Variants in GRM7 observed in about 807,000 individuals in gnomAD.
GRM7 encodes metabotropic glutamate receptor 7.
GRM7 carries 35 observed loss-of-function variants against 84.5 expected under a neutral mutation model. That is an observed-to-expected ratio of 0.41 (90% confidence interval 0.32 to 0.55). The LOEUF is 0.55. GRM7 is among the 20% of genes least tolerant of loss of function. The pLI, the probability that GRM7 is intolerant of heterozygous loss-of-function variation, is 0.19. For synonymous variants in GRM7, 487 were observed against 455.1 expected, an observed-to-expected ratio of 1.07 and a Z score of -0.89; for missense variants, 1,003 against 1,194.6, an observed-to-expected ratio of 0.84 and a Z score of 2.36.
At chr3:6,877,775 T>A (rs1416412904) in intron 1 of GRM7, among the ~76,000 whole-genome samples, 1 of 148,750 alleles carries the variant, frequency 6.7e-6, no homozygotes, top group Non-Finnish European at 1.5e-5. Flanking sequence ...AATTTTAAAT[T>A]GAGGATATAT....
chr3:7,392,255 C>A lies in GRM7; in HGVS notation c.1034-22768C>A, dbSNP rs543335923. On this transcript the variant is annotated intron_variant, in intron 4 of 9. Transcript: ENST00000357716. ...GACCAGTTCCAGGTCCCAAAGCTGT[C>A]TCTGGCTGCATGTCTGGCCACACAG... Among the ~76,000 whole-genome samples the A allele has an allele frequency of 5.3e-5, 8 of 152,330 alleles. No homozygotes were observed. The South Asian group carries it at 1.5e-3, about 28-fold the overall frequency.
intron 2 of GRM7, among the ~76,000 whole-genome samples, chr3:7,231,076 G>T (rs1392041848): frequency 6.6e-6 from 1 of 152,150 alleles, no homozygotes; most frequent in African/African-American, 2.4e-5. Flanking sequence ...GAATTGGGTG[G>T]TAGGGAATTA....
At chr3:7,084,326 A>G (rs865951200) in intron 1 of GRM7, among the ~76,000 whole-genome samples, 1 of 152,084 alleles carries the variant, frequency 6.6e-6, no homozygotes, top group Non-Finnish European at 1.5e-5. Flanking sequence ...TCTGAATCAG[A>G]GACTGTAGAG....
chr3:7,587,939 G>A (rs978686610), intron 8 of GRM7, among the ~76,000 whole-genome samples: 2 of 152,074 alleles, frequency 1.3e-5, no homozygotes, highest in African/African-American at 2.4e-5. Context: ...CGTTAGATGG[G>A]AACTCAGCAT....
At chr3:6,887,001 C>CT (rs1192908194) in intron 1 of GRM7, among the ~76,000 whole-genome samples, 1 of 151,920 alleles carries the variant, frequency 6.6e-6, no homozygotes, top group African/African-American at 2.4e-5. Context: ...TACAAAATGT[C>CT]TATCATTCTA....
In GRM7 at chr3:7,060,699, A is replaced by T. The variant is rs577178394; in HGVS notation, c.520-85753A>T. Among the ~76,000 whole-genome samples, 162 of 151,182 alleles carry T rather than the reference A, an allele frequency of 1.1e-3. 1 individual carries two copies. The highest frequency in any genetic ancestry group is 3.5e-3 in the African/African-American group (145 of 41,168). ...ACTCAAATGGCTTTTTGGATTAATG[A>T]TGTCTAATAAAAATAAATGCATGTT... On this transcript the variant is annotated intron_variant, in intron 1 of 9. Coordinates refer to ENST00000357716, the MANE Select transcript of GRM7 (RefSeq NM_000844.4).
At chr3:6,945,056 T>C (rs555859007) in intron 1 of GRM7, among the ~76,000 whole-genome samples, 1 of 151,100 alleles carries the variant, frequency 6.6e-6, no homozygotes, top group African/African-American at 2.4e-5. Flanking sequence ...TGACTAGAAT[T>C]TTTTTTTTAT....
At chr3:7,637,152 T>C (rs917229112) in intron 8 of GRM7, among the ~76,000 whole-genome samples, 2 of 152,314 alleles carry the variant, frequency 1.3e-5, no homozygotes, top group East Asian at 3.9e-4. Context: ...TATTTACTTA[T>C]TTAATTTTAG....
rs777084924 is a variant in GRM7 at position 7,203,749 on chromosome 3, A to C, written c.736+57081A>C. Among the ~76,000 whole-genome samples the C allele has an allele frequency of 1.4e-4, 21 of 152,330 alleles. No individual in the cohort carries two copies. The Middle Eastern group carries it at 0.01, about 74-fold the overall frequency. On this transcript the variant is annotated intron_variant, in intron 2 of 9. Transcript: ENST00000357716. Reference sequence around the variant, plus strand: ...TGTGTTTTGCCTAGACTTTAATAAGATTATGAAACTTCTGAATATATTGAA... The same window carrying C: ...TGTGTTTTGCCTAGACTTTAATAAGCTTATGAAACTTCTGAATATATTGAA...
At chr3:6,931,659 C>G (rs192970301) in intron 1 of GRM7, among the ~76,000 whole-genome samples, 1 of 152,166 alleles carries the variant, frequency 6.6e-6, no homozygotes, top group Non-Finnish European at 1.5e-5. Flanking sequence ...GTAGCACTCC[C>G]CTCTTTTGTG....
At chr3:7,107,513 G>A (rs999614185) in intron 1 of GRM7, among the ~76,000 whole-genome samples, 2 of 152,012 alleles carry the variant, frequency 1.3e-5, no homozygotes, top group African/African-American at 4.8e-5. Flanking sequence ...ATTAGCCCCA[G>A]TAGAATCTAA....
intron 4 of GRM7, among the ~76,000 whole-genome samples, chr3:7,391,034 G>A (rs73809096): frequency 0.028 from 4,175 of 151,602 alleles, 198 homozygotes; most frequent in African/African-American, 0.095. Flanking sequence ...GTGGCTTCTT[G>A]ATTTTTTTTT....
chr3:7,386,728 A>G (rs2125135755), intron 4 of GRM7, among the ~76,000 whole-genome samples: 1 of 152,328 alleles, frequency 6.6e-6, no homozygotes, highest in South Asian at 2.1e-4. Flanking sequence ...TGTGATAAAC[A>G]TTCAAGTGCG....
chr3:7,200,183 C>T (rs1295351005), intron 2 of GRM7, among the ~76,000 whole-genome samples: 1 of 152,156 alleles, frequency 6.6e-6, no homozygotes, highest in Non-Finnish European at 1.5e-5. Context: ...GGCAGGAGGG[C>T]ATTAATATAT....
At chr3:7,059,987 A>G (rs1041453565) in intron 1 of GRM7, among the ~76,000 whole-genome samples, 5 of 151,800 alleles carry the variant, frequency 3.3e-5, no homozygotes, top group Non-Finnish European at 5.9e-5. Flanking sequence ...CTTAGAATGG[A>G]GTAGAGTATA....
intron 8 of GRM7, among the ~76,000 whole-genome samples, chr3:7,634,567 C>T (rs909030982): frequency 7.1e-6 from 1 of 140,658 alleles, no homozygotes. Context: ...GGGTGGATCA[C>T]AAGATCAAGG....
intron 1 of GRM7, among the ~76,000 whole-genome samples, chr3:7,054,361 A>G (rs1697135611): frequency 6.7e-6 from 1 of 149,628 alleles, no homozygotes; most frequent in South Asian, 2.1e-4. Flanking sequence ...TGATATATGT[A>G]TGATATATAT....
chr3:7,218,026 C>G (rs892971412), intron 2 of GRM7, among the ~76,000 whole-genome samples: 5 of 151,946 alleles, frequency 3.3e-5, no homozygotes, highest in African/African-American at 1.2e-4. Context: ...ATATATTTAG[C>G]CAACCTTTGC....
At chr3:7,536,901 A>T (rs1293266793) in intron 7 of GRM7, among the ~76,000 whole-genome samples, 1 of 152,174 alleles carries the variant, frequency 6.6e-6, no homozygotes, top group African/African-American at 2.4e-5. Flanking sequence ...AATAATAAAT[A>T]TTTGTTAAGT....
Sources: gnomAD v4.1 joint callset for allele counts (sites outside exome capture counted in the v4.1 genomes callset) on GRCh38, gnomAD v4.1.1 for gene constraint, MANE v1.5 for transcripts, NCBI Gene and HGNC (gene_info 2026-07-23, HGNC 2026-07-21) for gene names.